The following MTHFSD variants were observed in gnomAD, a reference collection of about 807,000 sequenced individuals.
MTHFSD encodes methenyltetrahydrofolate synthetase domain containing.
In MTHFSD, 37 loss-of-function variants were observed where a neutral mutation model predicts 31.1. That is an observed-to-expected ratio of 1.19 (90% CI 0.91 to 1.56). MTHFSD has a LOEUF of 1.56. Ranked by LOEUF, MTHFSD falls within the 40% of genes most tolerant of loss-of-function variation. The pLI, the probability that MTHFSD is intolerant of heterozygous loss-of-function variation, is 0.00. For missense variants in MTHFSD, 664 were observed against 510.1 expected, an observed-to-expected ratio of 1.30 and a Z score of -2.91; for synonymous variants, 221 against 206.9, an observed-to-expected ratio of 1.07 and a Z score of -0.59.
intron 3 of MTHFSD, among the ~76,000 whole-genome samples, chr16:86,550,658 G>A (rs1237986530): frequency 6.6e-6 from 1 of 152,242 alleles, no homozygotes; most frequent in African/African-American, 2.4e-5. Context: ...AAAACATTTA[G>A]ACAGAACTGC....
intron 4 of MTHFSD, 78 bp from the exon 5 acceptor site, chr16:86,546,727 C>G: frequency 2.4e-6 from 3 of 1,263,546 alleles, no homozygotes; most frequent in Non-Finnish European, 3.5e-6. Context: ...AAAGTGCACT[C>G]AGGGTTTGAA....
intron 3 of MTHFSD, among the ~76,000 whole-genome samples, chr16:86,550,453 G>A (rs1972975730): frequency 6.6e-6 from 1 of 152,226 alleles, no homozygotes; most frequent in Admixed American, 6.5e-5. Flanking sequence ...CTGAGGGGCT[G>A]ACAGCTGAGA....
At chr16:86,553,986 A>T (rs749811159) in intron 2 of MTHFSD, among the ~76,000 whole-genome samples, 26 of 152,212 alleles carry the variant, frequency 1.7e-4, no homozygotes, top group Non-Finnish European at 3.5e-4. Context: ...CAGGGATTGT[A>T]AACGCACCAA....
At chr16:86,549,161 C>G (rs1217897092) in intron 3 of MTHFSD, among the ~76,000 whole-genome samples, 1 of 152,240 alleles carries the variant, frequency 6.6e-6, no homozygotes, top group African/African-American at 2.4e-5. Flanking sequence ...CAGGGCTTCT[C>G]AAAGTGAGGG....
intron 7 of MTHFSD, chr16:86,541,056 A>G: frequency 8.1e-7 from 1 of 1,231,474 alleles, no homozygotes; most frequent in South Asian, 1.4e-5. Flanking sequence ...TTATTTGACC[A>G]GTAGTTTTGT....
At position 86,546,722 on chromosome 16, in the gene MTHFSD, G is replaced by A. The variant is rs1972367024; in HGVS notation, c.352-73C>T. On this transcript the variant is annotated intron_variant, in intron 4 of 7. Coordinates refer to ENST00000360900, the MANE Select transcript of MTHFSD (RefSeq NM_001159377.2). ...TCATTTTATAATTCATGATCAAAGTGCACTCAGGGTTTGAATCAACCTCTT... is the reference window on the plus strand; with the variant it reads ...TCATTTTATAATTCATGATCAAAGTACACTCAGGGTTTGAATCAACCTCTT... The A allele has an allele frequency of 1.2e-5, 15 of 1,299,408 alleles. No homozygotes were observed. In the East Asian group the frequency reaches 2.5e-4, roughly 22 times the overall value. The allele number at this position is 1,299,408 out of a possible 1,614,324, so 80.5% of individuals were successfully genotyped here.
At chr16:86,540,877 G>T in intron 7 of MTHFSD, 4 of 1,109,540 alleles carry the variant, frequency 3.6e-6, no homozygotes, top group Non-Finnish European at 4.4e-6. Context: ...GTCCCCAGCA[G>T]TGCCTGCCCA....
intron 5 of MTHFSD, among the ~76,000 whole-genome samples, 196 bp downstream of exon 5, chr16:86,546,363 C>G (rs577409485): frequency 6.6e-6 from 1 of 152,316 alleles, no homozygotes; most frequent in Admixed American, 6.5e-5. Context: ...AAATGCTGTA[C>G]ACATGTTGGG....
intron 1 of MTHFSD, 21 bp downstream of exon 1, chr16:86,555,148 G>A (rs1314839914): frequency 6.5e-7 from 1 of 1,534,580 alleles, no homozygotes; most frequent in Non-Finnish European, 8.7e-7. Flanking sequence ...AGCCGCCCCG[G>A]AGCCCCGCCA....
chr16:86,541,050 T>C, intron 7 of MTHFSD: 1 of 1,223,474 alleles, frequency 8.2e-7, no homozygotes, highest in Non-Finnish European at 1.0e-6. Context: ...GTATGCTTAT[T>C]TGACCAGTAG....
chr16:86,537,572 T>C (rs920524899), intron 7 of MTHFSD, among the ~76,000 whole-genome samples: 2 of 152,196 alleles, frequency 1.3e-5, no homozygotes, highest in Non-Finnish European at 2.9e-5. Flanking sequence ...TCTCTAAACA[T>C]ACTGGCCCAG....
chr16:86,532,980 G>A (rs1171136493), intron 7 of MTHFSD: 3 of 152,368 alleles, frequency 2.0e-5, no homozygotes, highest in South Asian at 2.1e-4. Flanking sequence ...AAGACCACAG[G>A]GGTCTCCTCT....
At chr16:86,533,392 T>G (rs187940096) in intron 7 of MTHFSD, 11 of 152,338 alleles carry the variant, frequency 7.2e-5, no homozygotes, top group Non-Finnish European at 1.6e-4. Flanking sequence ...TGTGTAGTCC[T>G]TTTTGACAAT....
chr16:86,546,628 G>T lies in MTHFSD; in HGVS notation c.373C>A (p.Pro125Thr), dbSNP rs766246958. Reference sequence around the variant, plus strand: ...AGGACTCTGGAGTCCAAGCCTATGGGGACACTGTAGTTCCTCACACCCTGC... The same window carrying T: ...AGGACTCTGGAGTCCAAGCCTATGGTGACACTGTAGTTCCTCACACCCTGC... ...TSQGVRNYSV[P>T]IGLDSRVLVD... The change falls in exon 5 of 8, where the codon CCC (proline) becomes ACC (threonine). Residue 125 changes from proline to threonine, a missense_variant. Transcript: ENST00000360900. The T allele has an allele frequency of 6.2e-7, 1 of 1,613,782 alleles. No homozygotes were observed. The highest frequency in any genetic ancestry group is 1.7e-5 in the Admixed American group (1 of 60,018).
At chr16:86,534,431 C>T (rs1234903978) in intron 7 of MTHFSD, among the ~76,000 whole-genome samples, 1 of 152,168 alleles carries the variant, frequency 6.6e-6, no homozygotes, top group East Asian at 1.9e-4. Flanking sequence ...AAGTGTGAAG[C>T]CTCGCCTGAG....
chr16:86,547,848 A>G (rs1972559517), intron 4 of MTHFSD, among the ~76,000 whole-genome samples: 1 of 152,210 alleles, frequency 6.6e-6, no homozygotes, highest in Non-Finnish European at 1.5e-5. Flanking sequence ...TTCTCAGTAG[A>G]TTAAAAATTA....
Position 86,532,108 on chromosome 16 carries a change from G to A in MTHFSD, c.1055C>T (p.Ser352Phe), listed in dbSNP as rs367803676. 119 of 1,543,064 alleles carry A rather than the reference G, an allele frequency of 7.7e-5. No homozygotes were observed. Among genetic ancestry groups the A allele is most frequent in the Non-Finnish European group, 9.9e-5 (113 of 1,143,118 alleles). The change falls in exon 8 of 8, where the codon TCT becomes TTT. Residue 352 changes from serine (S) to phenylalanine (F), a missense_variant. Ser to Phe is a radical substitution (Grantham distance 155, BLOSUM62 -2). Coordinates refer to ENST00000360900, the MANE Select transcript of MTHFSD (RefSeq NM_001159377.2). ...GGAGACGGCCTGCTGGGCTGCGGCAGAGTCCGGGTAATGGAGGAAGGCTCT... is the reference window on the plus strand; with the variant it reads ...GGAGACGGCCTGCTGGGCTGCGGCAAAGTCCGGGTAATGGAGGAAGGCTCT... ...RRRAFLHYPD[S>F]AAAQQAVSCL...
At chr16:86,541,636 A>G in intron 7 of MTHFSD, 61 bp downstream of exon 7, 1 of 1,572,624 alleles carries the variant, frequency 6.4e-7, no homozygotes, top group Non-Finnish European at 8.6e-7. Context: ...CAGACAGAAA[A>G]CACTTAAAAG....
chr16:86,532,188 G>A lies in MTHFSD; in HGVS notation c.975C>T (p.Ala325=). The change falls in exon 8 of 8, where the codon GCC becomes GCT. Residue 325 remains alanine, a synonymous_variant. Transcript: ENST00000360900. ...GGGGCACGGAGCCGAGTTCCCGCAG[G>A]GCTCTCTTCAGGTCACTCACACGGG... is the stretch of plus-strand genomic sequence containing the variant. The part of the protein sequence containing the change: ...GDARVSDLKR[A]LRELGSVPLR... 1 of 1,579,408 alleles carries A rather than the reference G, an allele frequency of 6.3e-7. No individual in the cohort carries two copies. Among genetic ancestry groups the A allele is most frequent in the Non-Finnish European group, 8.6e-7 (1 of 1,162,730 alleles).
Sources: gnomAD v4.1 joint callset for allele counts (sites outside exome capture counted in the v4.1 genomes callset) on GRCh38, gnomAD v4.1.1 for gene constraint, MANE v1.5 for transcripts, NCBI Gene and HGNC (gene_info 2026-07-23, HGNC 2026-07-21) for gene names.